The following DPP6 variants were observed in gnomAD, a reference collection of about 807,000 sequenced individuals.
DPP6 encodes A-type potassium channel modulatory protein DPP6.
In DPP6, 69 loss-of-function variants were observed where a neutral mutation model predicts 122.6. The observed-to-expected ratio is 0.56, with a 90% CI of 0.46 to 0.69. The LOEUF is 0.69. Ranked by LOEUF, DPP6 falls within the 30% of genes least tolerant of loss-of-function variation. The pLI is 0.00. For missense variants in DPP6, 928 were observed against 1,116.9 expected (o/e 0.83, Z 2.41); for synonymous variants, 418 against 433.1 (o/e 0.97, Z 0.43).
intron 2 of DPP6, among the ~76,000 whole-genome samples, chr7:154,463,420 G>C (rs369236910): frequency 6.6e-6 from 1 of 151,814 alleles, no homozygotes; most frequent in East Asian, 1.9e-4. Flanking sequence ...TGTTAGCCAG[G>C]ATGGTCTCGA....
intron 5 of DPP6, among the ~76,000 whole-genome samples, chr7:154,630,565 T>C (rs545825507): frequency 2.6e-5 from 4 of 152,300 alleles, no homozygotes; most frequent in Non-Finnish European, 5.9e-5. Context: ...ATGATGAGCT[T>C]TTTTTCATGT....
the DPP6 span, among the ~76,000 whole-genome samples, chr7:153,845,013 A>G: frequency 0.45 from 68,709 of 152,060 alleles, 16,773 homozygotes; most frequent in Admixed American, 0.54. Flanking sequence ...ATTAAAAAGT[A>G]GGACATTCAC....
chr7:154,683,097 A>G (rs1839383879), intron 7 of DPP6, among the ~76,000 whole-genome samples: 1 of 152,070 alleles, frequency 6.6e-6, no homozygotes. Flanking sequence ...AAACCTCTTC[A>G]TTTATCTGAA....
intron 1 of DPP6, among the ~76,000 whole-genome samples, chr7:153,980,165 G>C (rs538668061): frequency 6.6e-6 from 1 of 152,192 alleles, no homozygotes; most frequent in African/African-American, 2.4e-5. Context: ...CTGTGAATCC[G>C]TCTGGTCCTG....
At chr7:154,305,399 T>A in intron 1 of DPP6, 1 of 991,718 alleles carries the variant, frequency 1.0e-6, no homozygotes, top group Non-Finnish European at 1.2e-6. Context: ...TGGACTAAAA[T>A]CACACTCCTC....
At chr7:154,198,366 C>T (rs901395311) in intron 1 of DPP6, among the ~76,000 whole-genome samples, 4 of 151,878 alleles carry the variant, frequency 2.6e-5, no homozygotes, top group Admixed American at 2.6e-4. Context: ...GGCTGGAGTG[C>T]AGTGGCGTGA....
rs1563225869 is a variant in DPP6 at position 154,127,638 on chromosome 7, C to CACACACACAG, written c.243+74584_243+74585insGACACACACA. 6.3e-3 allele frequency among the ~76,000 whole-genome samples: 689 copies of CACACACACAG among 109,072 alleles called. 7 individuals are homozygous for CACACACACAG. The highest frequency in any genetic ancestry group is 0.028 in the African/African-American group (659 of 23,400). The allele number at this position is 109,072 out of a possible 152,430, so 71.6% of individuals were successfully genotyped here. On this transcript the variant is annotated intron_variant, in intron 1 of 25. Transcript: ENST00000377770. ...ACACACACACACACACACACAGACA[C>CACACACACAG]ACACACACACACAGACACACACACA... is the stretch of plus-strand genomic sequence containing the variant.
In DPP6 at chr7:154,475,012, T is replaced by C. The variant is rs1822601407; in HGVS notation, c.432T>C (p.His144=). 6.2e-7 allele frequency: 1 copy of C among 1,613,742 alleles called. No homozygotes were observed. The highest frequency in any genetic ancestry group is 8.5e-7 in the Non-Finnish European group (1 of 1,179,770). ...TCTTCAGTGAAGACTTCAAAATTCA[T>C]GACCCCGAGGCTAAGTGGATAAGTG... is the stretch of plus-strand genomic sequence containing the variant. ...EDLFSEDFKI[H]DPEAKWISDT... Residue 144 remains histidine, a synonymous_variant, in exon 3 of 26, where the codon CAT becomes CAC. Transcript: ENST00000377770.
intron 7 of DPP6, among the ~76,000 whole-genome samples, chr7:154,713,552 C>T (rs1211833482): frequency 6.6e-6 from 1 of 152,230 alleles, no homozygotes; most frequent in African/African-American, 2.4e-5. Flanking sequence ...ACCTGCAGGC[C>T]CAACATCACA....
intron 1 of DPP6, among the ~76,000 whole-genome samples, chr7:154,327,558 C>T (rs1384300928): frequency 1.3e-5 from 2 of 152,024 alleles, no homozygotes; most frequent in African/African-American, 2.4e-5. Flanking sequence ...GTGTTGACCT[C>T]ATGTCTTAGA....
intron 1 of DPP6, among the ~76,000 whole-genome samples, chr7:154,060,298 C>T (rs1444033084): frequency 2.2e-5 from 3 of 139,238 alleles, no homozygotes; most frequent in Admixed American, 1.4e-4. Flanking sequence ...ATCCCTCTTC[C>T]CCCCCTGGCT....
intron 1 of DPP6, among the ~76,000 whole-genome samples, chr7:154,165,128 G>A (rs1168942687): frequency 4.0e-5 from 6 of 148,308 alleles, no homozygotes; most frequent in African/African-American, 1.6e-4. Flanking sequence ...CTAGCATTAG[G>A]TATATCTCCC....
chr7:154,303,130 C>T (rs1224985248), intron 1 of DPP6, among the ~76,000 whole-genome samples: 4 of 152,134 alleles, frequency 2.6e-5, no homozygotes, highest in Non-Finnish European at 5.9e-5. Context: ...TACAGGCATG[C>T]GCCGCCACGC....
rs1398617021 is a variant in DPP6, at chr7:154,212,996, GAGCACACCATGTTGGCAGGGAA to G, written c.243+159935_243+159956del. Among the ~76,000 whole-genome samples, 36 of 152,318 alleles carry G rather than the reference GAGCACACCATGTTGGCAGGGAA, an allele frequency of 2.4e-4. No homozygotes were observed. The East Asian group carries it at 2.7e-3, about 11-fold the overall frequency. ...AAATGCTCAAGGAACAAGGGCATTG[GAGCACACCATGTTGGCAGGGAA>G]ACAGACAAAGACCAGACATCAGCGC... is the stretch of plus-strand genomic sequence containing the variant. On this transcript the variant is annotated intron_variant, in intron 1 of 25. Transcript: ENST00000377770.
At chr7:154,623,511 C>A (rs1355649120) in intron 5 of DPP6, among the ~76,000 whole-genome samples, 1 of 152,158 alleles carries the variant, frequency 6.6e-6, no homozygotes, top group Non-Finnish European at 1.5e-5. Context: ...CTTGGATCTG[C>A]CCAGAAAAGG....
Position 153,971,954 on chromosome 7 carries a change from G to A in DPP6, c.51+84220G>A, listed in dbSNP as rs190917749. On this transcript the variant is annotated intron_variant, in intron 1 of 25. Transcript: ENST00000404039. ...CTCTAGGCAGTGAGCTGGGGCCCTC[G>A]TAAGCTCAAATGTTTGTTTCCTGTC... 1.9e-3 allele frequency among the ~76,000 whole-genome samples: 279 copies of A among 148,266 alleles called. 10 individuals are homozygous for A. Among genetic ancestry groups the A allele is most frequent in the Admixed American group, 3.0e-3 (45 of 14,780 alleles).
intron 1 of DPP6, among the ~76,000 whole-genome samples, chr7:154,153,831 C>G (rs141441548): frequency 6.6e-6 from 1 of 152,112 alleles, no homozygotes; most frequent in Admixed American, 6.5e-5. Context: ...CAGCAGGCCC[C>G]GGGGCCATAG....
intron 1 of DPP6, among the ~76,000 whole-genome samples, chr7:153,930,133 A>G (rs1480672350): frequency 6.6e-6 from 1 of 152,188 alleles, no homozygotes; most frequent in Non-Finnish European, 1.5e-5. Context: ...AACCACTGCC[A>G]TTTCTTGCTG....
intron 3 of DPP6, among the ~76,000 whole-genome samples, chr7:154,499,496 G>A (rs1364454945): frequency 6.6e-6 from 1 of 152,156 alleles, no homozygotes; most frequent in Non-Finnish European, 1.5e-5. Flanking sequence ...TTGAGATGGA[G>A]CAGCGTTAAT....
Sources: allele counts gnomAD v4.1 joint callset (sites outside exome capture counted in the v4.1 genomes callset), GRCh38; gene constraint gnomAD v4.1.1; transcripts MANE v1.5; gene names NCBI Gene and HGNC (gene_info 2026-07-23, HGNC 2026-07-21).